The following EFCAB13 variants were observed in gnomAD, a reference collection of about 807,000 sequenced individuals.
The protein encoded by EFCAB13 is EF-hand calcium-binding domain-containing protein 13.
EFCAB13 carries 91 observed loss-of-function variants against 110.2 expected under a neutral mutation model. That is an observed-to-expected ratio of 0.83 (90% CI 0.70 to 0.98). The LOEUF (loss-of-function observed/expected upper bound fraction) is 0.98. EFCAB13 is among the 50% of genes least tolerant of loss of function. The pLI, the probability that EFCAB13 is intolerant of heterozygous loss-of-function variation, is 0.00. For synonymous variants in EFCAB13, 323 were observed against 369.9 expected, an observed-to-expected ratio of 0.87 and a Z score of 1.45; for missense variants, 968 against 1,119.4, an observed-to-expected ratio of 0.86 and a Z score of 1.93.
intron 2 of EFCAB13, among the ~76,000 whole-genome samples, chr17:47,325,943 T>TAGC (rs1286532681): frequency 2.9e-5 from 3 of 103,248 alleles, no homozygotes; most frequent in African/African-American, 4.3e-5. Context: ...TATATATATA[T>TAGC]ATATATATAT....
At chr17:47,351,771 C>T (rs1598728746) in intron 9 of EFCAB13, among the ~76,000 whole-genome samples, 1 of 151,914 alleles carries the variant, frequency 6.6e-6, no homozygotes, top group East Asian at 1.9e-4. Flanking sequence ...TTTTGCTGTG[C>T]AGAAGCTTTT....
At position 47,422,507 on chromosome 17, in the gene EFCAB13, ATAT is replaced by A. The variant is rs1319648872; in HGVS notation, c.2495-7306_2495-7304del. On this transcript the variant is annotated intron_variant, in intron 23 of 24. Transcript: ENST00000331493. Reference sequence around the variant, plus strand: ...AATATGAATCTATACACTGGTTATTATATTATTTTATTTCAGTTAATGAGCAAA... The same window carrying A: ...AATATGAATCTATACACTGGTTATTATATTTTATTTCAGTTAATGAGCAAA... Among the ~76,000 whole-genome samples, 4 of 152,242 alleles carry A rather than the reference ATAT, an allele frequency of 2.6e-5. No individual in the cohort carries two copies. The East Asian group carries it at 7.7e-4, about 29-fold the overall frequency.
chr17:47,389,936 C>T (rs1331460220), intron 14 of EFCAB13, among the ~76,000 whole-genome samples: 1 of 149,898 alleles, frequency 6.7e-6, no homozygotes, highest in Non-Finnish European at 1.5e-5. Flanking sequence ...GGACATGTAT[C>T]TTGCTGTATG....
chr17:47,333,951 A>G (rs2065334691), intron 4 of EFCAB13, among the ~76,000 whole-genome samples: 2 of 152,074 alleles, frequency 1.3e-5, no homozygotes, highest in South Asian at 2.1e-4. Flanking sequence ...GAATGTTAGG[A>G]TTTTTTTATT....
chr17:47,384,666 GC>G (rs1192143088), intron 14 of EFCAB13, among the ~76,000 whole-genome samples: 1 of 151,902 alleles, frequency 6.6e-6, no homozygotes, highest in African/African-American at 2.4e-5. Context: ...TTGAATATTG[GC>G]CCCCACTCTC....
intron 3 of EFCAB13, among the ~76,000 whole-genome samples, chr17:47,327,246 A>G (rs1364719672): frequency 2.0e-5 from 3 of 152,038 alleles, no homozygotes; most frequent in Non-Finnish European, 4.4e-5. Flanking sequence ...GCCCACTGCA[A>G]CCTCTGCCTC....
At chr17:47,422,689 C>G (rs746562895) in intron 23 of EFCAB13, among the ~76,000 whole-genome samples, 8 of 151,972 alleles carry the variant, frequency 5.3e-5, no homozygotes, top group East Asian at 1.9e-4. Flanking sequence ...ACTAGTGAAA[C>G]AAGTTTATAA....
intron 2 of EFCAB13, among the ~76,000 whole-genome samples, chr17:47,325,926 ATATATATATATAT>A (rs2065281180): frequency 5.0e-5 from 1 of 20,158 alleles, no homozygotes; most frequent in Non-Finnish European, 1.2e-4. Context: ...TAAACAAAAT[ATATATATATATAT>A]ATATATATAT....
chr17:47,404,024 A>G lies in EFCAB13; in HGVS notation c.2161+3A>G, dbSNP rs1292192007. The G allele has an allele frequency of 1.9e-6, 3 of 1,585,116 alleles. No homozygotes were observed. Among genetic ancestry groups the G allele is most frequent in the Non-Finnish European group, 1.7e-6 (2 of 1,169,106 alleles). On this transcript the variant is annotated splice_donor_region_variant and intron_variant, in intron 19 of 24. Coordinates refer to ENST00000331493, the MANE Select transcript of EFCAB13 (RefSeq NM_152347.5). ...TCTTCAATCAGATTTTGTTTCTGGT[A>G]AGCATTTTAAATATTACTCTCAGGT...
chr17:47,440,463 A>G lies in EFCAB13; in HGVS notation c.2671A>G (p.Thr891Ala), dbSNP rs1260045393. 2 of 1,601,816 alleles carry G rather than the reference A, an allele frequency of 1.2e-6. No homozygotes were observed. Among genetic ancestry groups the G allele is most frequent in the Non-Finnish European group, 1.7e-6 (2 of 1,175,944 alleles). Reference protein sequence around the residue: ...SGKVSIQEFMTKLSDILTIPK... With the variant: ...SGKVSIQEFMAKLSDILTIPK... ...CAAGGTTAGCATTCAAGAATTTATGACTAAATTATCCGATATATTGACAAT... is the reference window on the plus strand; with the variant it reads ...CAAGGTTAGCATTCAAGAATTTATGGCTAAATTATCCGATATATTGACAAT... Residue 891 changes from threonine (T) to alanine (A), a missense_variant, in exon 25 of 25, where the codon ACT becomes GCT. Coordinates refer to ENST00000331493, the MANE Select transcript of EFCAB13 (RefSeq NM_152347.5).
chr17:47,394,175 T>TATAAGAGACTAAAAGAGTG, intron 16 of EFCAB13, 76 bp downstream of exon 16: 1 of 897,576 alleles, frequency 1.1e-6, no homozygotes, highest in Non-Finnish European at 1.6e-6. Context: ...GTAAACACTC[T>TATAAGAGACTAAAAGAGTG]TTTAGTCTCT....
chr17:47,327,645 C>T (rs112480502), intron 3 of EFCAB13, among the ~76,000 whole-genome samples: 3,440 of 152,178 alleles, frequency 0.023, 107 homozygotes, highest in East Asian at 0.18. Flanking sequence ...TTAGTAGATA[C>T]GGGGTTTCAC....
chr17:47,410,969 A>G (rs1414596425), intron 21 of EFCAB13, among the ~76,000 whole-genome samples: 1 of 152,126 alleles, frequency 6.6e-6, no homozygotes, highest in Non-Finnish European at 1.5e-5. Flanking sequence ...CGATTATTTG[A>G]TTAATATCTC....
chr17:47,406,156 C>T (rs527756891), intron 20 of EFCAB13, among the ~76,000 whole-genome samples: 9 of 152,106 alleles, frequency 5.9e-5, no homozygotes, highest in African/African-American at 1.4e-4. Flanking sequence ...TCTGTCGCCT[C>T]GGCTGGAGTG....
At chr17:47,422,030 A>G (rs34147520) in intron 23 of EFCAB13, among the ~76,000 whole-genome samples, 1,719 of 152,340 alleles carry the variant, frequency 0.011, 40 homozygotes, top group African/African-American at 0.04. Flanking sequence ...CCCCATCATG[A>G]CCACAAATGG....
intron 5 of EFCAB13, among the ~76,000 whole-genome samples, chr17:47,337,640 G>A (rs1326276579): frequency 6.6e-6 from 1 of 152,102 alleles, no homozygotes; most frequent in East Asian, 1.9e-4. Flanking sequence ...ATTAATATAA[G>A]TAGAGAGTTT....
At chr17:47,434,808 A>G (rs1211446138) in intron 24 of EFCAB13, among the ~76,000 whole-genome samples, 2 of 152,198 alleles carry the variant, frequency 1.3e-5, no homozygotes, top group East Asian at 3.8e-4. Flanking sequence ...CCTATTCAAC[A>G]AATGGTGTGG....
intron 23 of EFCAB13, 169 bp downstream of exon 23, chr17:47,415,088 G>C: frequency 2.5e-6 from 1 of 400,322 alleles, no homozygotes. Flanking sequence ...TCCTTTGTAG[G>C]GACATGGATG....
intron 9 of EFCAB13, among the ~76,000 whole-genome samples, chr17:47,359,239 T>C (rs1229046392): frequency 3.3e-5 from 5 of 152,034 alleles, no homozygotes; most frequent in Non-Finnish European, 7.4e-5. Context: ...CAGGCTGAGG[T>C]GGGAGAATCG....
Sources: allele counts gnomAD v4.1 joint callset (sites outside exome capture counted in the v4.1 genomes callset), GRCh38; gene constraint gnomAD v4.1.1; transcripts MANE v1.5; gene names NCBI Gene and HGNC (gene_info 2026-07-23, HGNC 2026-07-21).